TTC28: variants seen among roughly 807,000 people sequenced by gnomAD.
TTC28 encodes tetratricopeptide repeat domain 28.
TTC28 carries 61 observed loss-of-function variants against 198.0 expected under a neutral mutation model. The ratio of observed to expected loss-of-function variants is 0.31; its 90% CI spans 0.25 to 0.38. The LOEUF is 0.38. TTC28 is among the 10% of genes least tolerant of loss of function. The pLI, the probability that TTC28 is intolerant of heterozygous loss-of-function variation, is 1.00. For missense variants in TTC28, 2,678 were observed against 3,164.0 expected, an observed-to-expected ratio of 0.85 and a Z score of 3.69; for synonymous variants, 1,171 against 1,297.8, an observed-to-expected ratio of 0.90 and a Z score of 2.10.
chr22:28,283,210 A>C (rs985512222), intron 5 of TTC28, among the ~76,000 whole-genome samples: 22 of 152,228 alleles, frequency 1.4e-4, no homozygotes, highest in African/African-American at 4.3e-4. Flanking sequence ...TCATGAACTT[A>C]ATACTCCCTA....
chr22:28,365,096 C>G (rs2046226826), intron 2 of TTC28, among the ~76,000 whole-genome samples: 1 of 152,144 alleles, frequency 6.6e-6, no homozygotes, highest in Non-Finnish European at 1.5e-5. Context: ...TACAGCCACC[C>G]CAACCTTCAG....
intron 12 of TTC28, among the ~76,000 whole-genome samples, chr22:28,035,885 AAAG>A (rs1167266794): frequency 6.6e-6 from 1 of 152,216 alleles, no homozygotes; most frequent in Non-Finnish European, 1.5e-5. Flanking sequence ...CAAAAGAGAC[AAAG>A]AAGGCCACTA....
At chr22:28,319,877 C>A (rs2045416328) in intron 2 of TTC28, among the ~76,000 whole-genome samples, 1 of 152,172 alleles carries the variant, frequency 6.6e-6, no homozygotes, top group African/African-American at 2.4e-5. Context: ...GTGCCCATAT[C>A]TCAGTGTATA....
intron 2 of TTC28, among the ~76,000 whole-genome samples, chr22:28,334,095 T>C (rs2045664380): frequency 6.7e-6 from 1 of 148,982 alleles, no homozygotes; most frequent in Non-Finnish European, 1.5e-5. Context: ...AGTGACAACA[T>C]AAGGTGTTTG....
At chr22:28,264,682 G>C (rs987369534) in intron 5 of TTC28, among the ~76,000 whole-genome samples, 1 of 152,124 alleles carries the variant, frequency 6.6e-6, no homozygotes, top group South Asian at 2.1e-4. Context: ...AGACTGCCTT[G>C]GTTGTGGAGA....
intron 2 of TTC28, among the ~76,000 whole-genome samples, chr22:28,496,868 T>A (rs1300980943): frequency 6.6e-6 from 1 of 152,144 alleles, no homozygotes; most frequent in African/African-American, 2.4e-5. Context: ...TTGGTCCTCC[T>A]CCTCACTTGC....
intron 12 of TTC28, among the ~76,000 whole-genome samples, chr22:28,037,754 T>C (rs979116733): frequency 6.6e-6 from 1 of 152,208 alleles, no homozygotes. Flanking sequence ...GACATGATTG[T>C]ATATCTAGAA....
At chr22:28,068,964 C>T (rs73880384) in intron 12 of TTC28, among the ~76,000 whole-genome samples, 11,684 of 152,126 alleles carry the variant, frequency 0.077, 478 homozygotes, top group South Asian at 0.089. Flanking sequence ...TTTCATCTCA[C>T]ATATATTTCT....
intron 6 of TTC28, among the ~76,000 whole-genome samples, chr22:28,110,079 C>A (rs559579257): frequency 1.1e-4 from 16 of 152,276 alleles, no homozygotes; most frequent in African/African-American, 3.6e-4. Flanking sequence ...GAAGTCTCTG[C>A]CCCCAGAGAG....
intron 2 of TTC28, among the ~76,000 whole-genome samples, chr22:28,316,972 C>T (rs183344342): frequency 2.6e-4 from 39 of 152,078 alleles, no homozygotes; most frequent in African/African-American, 8.7e-4. Context: ...GAGGATCTCG[C>T]TATGTTATCT....
At chr22:27,987,118 C>T (rs1041576308) in intron 21 of TTC28, among the ~76,000 whole-genome samples, 4 of 152,148 alleles carry the variant, frequency 2.6e-5, no homozygotes, top group Non-Finnish European at 5.9e-5. Flanking sequence ...GACAGGCCTA[C>T]CGGACACCAC....
intron 2 of TTC28, among the ~76,000 whole-genome samples, chr22:28,529,058 G>A (rs901851209): frequency 3.3e-5 from 5 of 152,184 alleles, no homozygotes; most frequent in African/African-American, 1.2e-4. Context: ...TCTCACTGGG[G>A]CTTGTCAGAC....
At chr22:28,409,593 A>C (rs897703049) in intron 2 of TTC28, among the ~76,000 whole-genome samples, 1 of 149,970 alleles carries the variant, frequency 6.7e-6, no homozygotes, top group East Asian at 1.9e-4. Flanking sequence ...TAAAAAACAT[A>C]TATGGAAACA....
At chr22:28,456,131 C>A (rs1448193285) in intron 2 of TTC28, among the ~76,000 whole-genome samples, 1 of 151,000 alleles carries the variant, frequency 6.6e-6, no homozygotes, top group Non-Finnish European at 1.5e-5. Flanking sequence ...TACACTCCAG[C>A]CTGGGCGACA....
At chr22:28,474,408 G>A (rs928903397) in intron 2 of TTC28, among the ~76,000 whole-genome samples, 2 of 152,148 alleles carry the variant, frequency 1.3e-5, no homozygotes, top group African/African-American at 4.8e-5. Context: ...CTGGAAGAGA[G>A]GTTCAAAGTC....
intron 2 of TTC28, among the ~76,000 whole-genome samples, chr22:28,600,429 C>T (rs1048645408): frequency 2.6e-5 from 4 of 151,980 alleles, no homozygotes; most frequent in Middle Eastern, 3.4e-3. Context: ...AAAATATGTT[C>T]GAGGACATAT....
At chr22:28,230,693 C>A (rs1928734598) in intron 5 of TTC28, among the ~76,000 whole-genome samples, 1 of 152,070 alleles carries the variant, frequency 6.6e-6, no homozygotes, top group South Asian at 2.1e-4. Context: ...GACGTATATC[C>A]TATAGTAGCA....
chr22:28,502,938 C>T (rs560919322), intron 2 of TTC28, among the ~76,000 whole-genome samples: 2 of 152,266 alleles, frequency 1.3e-5, no homozygotes, highest in Non-Finnish European at 2.9e-5. Context: ...CACTACCTGA[C>T]AGATTTTTTC....
intron 6 of TTC28, among the ~76,000 whole-genome samples, chr22:28,113,340 C>T (rs1942540445): frequency 6.6e-6 from 1 of 152,158 alleles, no homozygotes; most frequent in African/African-American, 2.4e-5. Flanking sequence ...TACTTTCAAA[C>T]AAATTGTTTT....
Sources: allele counts gnomAD v4.1 joint callset (sites outside exome capture counted in the v4.1 genomes callset), GRCh38; gene constraint gnomAD v4.1.1; transcripts MANE v1.5; gene names NCBI Gene and HGNC (gene_info 2026-07-23, HGNC 2026-07-21).